MTMR9: variants seen among roughly 807,000 people sequenced by gnomAD.
MTMR9 encodes the protein myotubularin-related protein 9.
A neutral mutation model predicts 69.5 loss-of-function variants in MTMR9; 39 were observed. The ratio of observed to expected loss-of-function variants is 0.56; its 90% CI spans 0.43 to 0.73. The LOEUF (loss-of-function observed/expected upper bound fraction) is 0.73, where lower values mean the gene tolerates loss of function less well. MTMR9 is among the 30% of genes least tolerant of loss of function. The probability of loss-of-function intolerance (pLI) is 0.00; values close to 1 mark genes in which losing one functional copy is unlikely to be tolerated. For missense variants in MTMR9, 900 were observed against 671.2 expected (o/e 1.34, Z -3.77); for synonymous variants, 354 against 240.8 (o/e 1.47, Z -4.35).
At chr8:11,285,613 C>T (rs577424507) in intron 1 of MTMR9, among the ~76,000 whole-genome samples, 1 of 152,292 alleles carries the variant, frequency 6.6e-6, no homozygotes, top group Admixed American at 6.5e-5. Context: ...CTGATGTCTT[C>T]TCTTCATCTT....
intron 5 of MTMR9, among the ~76,000 whole-genome samples, chr8:11,308,194 A>C (rs1800044935): frequency 6.6e-6 from 1 of 152,164 alleles, no homozygotes; most frequent in Non-Finnish European, 1.5e-5. Flanking sequence ...TTAAGTCTTT[A>C]ATCTACTTTG....
chr8:11,310,051 C>T (rs1800134538), intron 6 of MTMR9, among the ~76,000 whole-genome samples: 1 of 151,706 alleles, frequency 6.6e-6, no homozygotes, highest in Admixed American at 6.6e-5. Flanking sequence ...AGCGAACTTA[C>T]CTCCTTACTT....
At chr8:11,313,150 T>C (rs973055634) in intron 6 of MTMR9, among the ~76,000 whole-genome samples, 1 of 152,248 alleles carries the variant, frequency 6.6e-6, no homozygotes, top group African/African-American at 2.4e-5. Flanking sequence ...ATTTTTTCGC[T>C]GACAAGAGAG....
At chr8:11,288,050 G>A (rs1206098429) in intron 1 of MTMR9, among the ~76,000 whole-genome samples, 18 of 118,324 alleles carry the variant, frequency 1.5e-4, no homozygotes, top group African/African-American at 3.2e-4. Flanking sequence ...TATATAATAC[G>A]TATTATATAA....
At chr8:11,287,742 T>C (rs1255830681) in intron 1 of MTMR9, among the ~76,000 whole-genome samples, 1 of 133,396 alleles carries the variant, frequency 7.5e-6, no homozygotes, top group African/African-American at 2.9e-5. Context: ...TATATATTAT[T>C]TTCTTATATA....
chr8:11,286,523 G>C (rs568385151), intron 1 of MTMR9, among the ~76,000 whole-genome samples: 1 of 151,608 alleles, frequency 6.6e-6, no homozygotes, highest in Non-Finnish European at 1.5e-5. Context: ...AAAATTAACC[G>C]GGCATAGTGG....
At chr8:11,301,704 A>G (rs1585117221) in intron 3 of MTMR9, among the ~76,000 whole-genome samples, 1 of 151,810 alleles carries the variant, frequency 6.6e-6, no homozygotes, top group East Asian at 1.9e-4. Context: ...GAAATTGTGT[A>G]GTCAAAATGG....
At chr8:11,317,006 A>G (rs1800448597) in intron 8 of MTMR9, 113 bp downstream of exon 8, 1 of 597,872 alleles carries the variant, frequency 1.7e-6, no homozygotes, top group Admixed American at 3.2e-5. Flanking sequence ...AATTATTTAT[A>G]AAAAGGTAGA....
At chr8:11,331,313 G>T, downstream of MTMR9, 8 of 1,613,956 alleles carry the variant, frequency 5.0e-6, no homozygotes, top group Non-Finnish European at 6.8e-6. Context: ...ACCTGCCCTC[G>T]CTGGAGCTGC....
At chr8:11,295,123 T>C in intron 1 of MTMR9, 71 bp from the exon 2 acceptor site, 1 of 818,418 alleles carries the variant, frequency 1.2e-6, no homozygotes, top group Non-Finnish European at 2.0e-6. Context: ...TATTCTCTTT[T>C]CAAAGAAATA....
intron 4 of MTMR9, 44 bp from the exon 5 acceptor site, chr8:11,306,146 T>G (rs1271925944): frequency 6.4e-7 from 1 of 1,565,030 alleles, no homozygotes; most frequent in Non-Finnish European, 8.7e-7. Context: ...TCAGAAACTT[T>G]AAAAGCAACT....
rs1268606788 is a variant in MTMR9, at chr8:11,325,042, T to C, written c.*2254T>C. 1 of 152,216 alleles carries C rather than the reference T, an allele frequency of 6.6e-6. No homozygotes were observed. Among genetic ancestry groups the C allele is most frequent in the Non-Finnish European group, 1.5e-5 (1 of 68,044 alleles). 9.4% of individuals were successfully genotyped at this position (152,216 alleles called of 1,614,324 possible). Reference sequence around the variant, plus strand: ...GAGCCAGAGTACAGTCATAACACGGTATTCGCATTTCGTTTTCTCTGTCTC... The same window carrying C: ...GAGCCAGAGTACAGTCATAACACGGCATTCGCATTTCGTTTTCTCTGTCTC... On this transcript the variant is annotated 3_prime_UTR_variant, in exon 10 of 10. Transcript: ENST00000221086.
chr8:11,336,035 A>G, the MTMR9 span, among the ~76,000 whole-genome samples: 3 of 152,356 alleles, frequency 2.0e-5, no homozygotes, highest in South Asian at 4.1e-4. Flanking sequence ...CAAGGAATGC[A>G]TAGCTGCATA....
At chr8:11,320,054 T>G in intron 9 of MTMR9, 1 of 489,648 alleles carries the variant, frequency 2.0e-6, no homozygotes, top group Non-Finnish European at 3.6e-6. Context: ...AAATTAACAG[T>G]GTTTCTTTAC....
At chr8:11,321,240 G>C (rs1800672005) in intron 9 of MTMR9, 4 of 351,670 alleles carry the variant, frequency 1.1e-5, no homozygotes, top group Non-Finnish European at 1.7e-5. Context: ...GAGCTTTAGT[G>C]CTTTGATTTG....
At chr8:11,302,795 A>T (rs915262348) in intron 3 of MTMR9, among the ~76,000 whole-genome samples, 1 of 152,164 alleles carries the variant, frequency 6.6e-6, no homozygotes, top group Non-Finnish European at 1.5e-5. Flanking sequence ...TTGTCTACAT[A>T]GGAAAAGGAA....
intron 9 of MTMR9, among the ~76,000 whole-genome samples, chr8:11,322,314 T>C (rs1040747193): frequency 6.6e-6 from 1 of 152,260 alleles, no homozygotes; most frequent in African/African-American, 2.4e-5. Context: ...CATTGCAAAT[T>C]ATCATCTTGT....
intron 6 of MTMR9, among the ~76,000 whole-genome samples, chr8:11,311,377 A>T (rs529394826): frequency 6.6e-6 from 1 of 152,212 alleles, no homozygotes; most frequent in Non-Finnish European, 1.5e-5. Flanking sequence ...ACTTAATAGG[A>T]TATTACACAC....
At chr8:11,328,994 A>G (rs148632646), downstream of MTMR9, among the ~76,000 whole-genome samples, 17 of 152,314 alleles carry the variant, frequency 1.1e-4, no homozygotes, top group East Asian at 1.3e-3. Context: ...CATTATTTGC[A>G]TATGGATATT....
Sources: gnomAD v4.1 joint callset for allele counts (sites outside exome capture counted in the v4.1 genomes callset) on GRCh38, gnomAD v4.1.1 for gene constraint, MANE v1.5 for transcripts, NCBI Gene and HGNC (gene_info 2026-07-23, HGNC 2026-07-21) for gene names.